Variants in FRMPD4 observed in about 807,000 individuals in gnomAD.
FRMPD4 encodes FERM and PDZ domain-containing protein 4.
FRMPD4 carries 22 observed loss-of-function variants against 94.1 expected under a neutral mutation model. The observed-to-expected ratio is 0.23, with a 90% confidence interval of 0.17 to 0.33. The LOEUF is 0.33. Among genes scored for constraint, FRMPD4 ranks in the 10% least tolerant of loss-of-function variants. The pLI, the probability that FRMPD4 is intolerant of heterozygous loss-of-function variation, is 1.00. For synonymous variants in FRMPD4, 631 were observed against 548.6 expected (o/e 1.15, Z -2.10); for missense variants, 1,111 against 1,339.9 (o/e 0.83, Z 2.67).
intron 3 of FRMPD4, among the ~76,000 whole-genome samples, chrX:12,053,136 G>A (rs1019633816): frequency 2.7e-5 from 3 of 109,353 alleles, no homozygotes; most frequent in Admixed American, 2.0e-4. Flanking sequence ...TCAGGAGATC[G>A]AGACCAGCCT....
intron 3 of FRMPD4, among the ~76,000 whole-genome samples, chrX:12,007,908 T>G (rs2054562125): frequency 8.9e-6 from 1 of 111,947 alleles, no homozygotes; most frequent in Non-Finnish European, 1.9e-5. Context: ...GATTGGCCTG[T>G]CAGTGGGCAC....
intron 1 of FRMPD4, among the ~76,000 whole-genome samples, chrX:12,446,882 G>T (rs1200603742): frequency 8.9e-6 from 1 of 112,021 alleles, no homozygotes; most frequent in Non-Finnish European, 1.9e-5. Flanking sequence ...TGATGTAGCT[G>T]TCGCAATGAG....
intron 1 of FRMPD4, among the ~76,000 whole-genome samples, chrX:12,228,134 C>A (rs777727354): frequency 8.0e-5 from 9 of 112,313 alleles, no homozygotes; most frequent in Non-Finnish European, 1.9e-5. Context: ...AAAGAGGAAA[C>A]CTTTGGCCAA....
intron 3 of FRMPD4, among the ~76,000 whole-genome samples, chrX:11,928,721 A>C (rs900954305): frequency 8.0e-5 from 9 of 112,927 alleles, no homozygotes; most frequent in African/African-American, 2.9e-4. Context: ...AAAGACCTAA[A>C]GACAGAAATG....
At chrX:12,465,744 G>C (rs1159669535) in intron 1 of FRMPD4, among the ~76,000 whole-genome samples, 1 of 111,985 alleles carries the variant, frequency 8.9e-6, no homozygotes, top group African/African-American at 3.2e-5. Context: ...TAAATGCAGT[G>C]CCCAGAATGC....
At chrX:12,000,251 A>G (rs1386797760) in intron 3 of FRMPD4, among the ~76,000 whole-genome samples, 1 of 111,805 alleles carries the variant, frequency 8.9e-6, no homozygotes, top group African/African-American at 3.3e-5. Context: ...AATTTGCCCC[A>G]ATTAATTTTG....
intron 1 of FRMPD4, among the ~76,000 whole-genome samples, chrX:12,293,755 G>A (rs2054726352): frequency 8.9e-6 from 1 of 112,373 alleles, no homozygotes; most frequent in Admixed American, 9.4e-5. Context: ...GTTGCATGCT[G>A]TTGTATCATA....
intron 1 of FRMPD4, among the ~76,000 whole-genome samples, chrX:12,390,647 CTTTG>C (rs1425114028): frequency 8.9e-6 from 1 of 111,866 alleles, no homozygotes; most frequent in Non-Finnish European, 1.9e-5. Flanking sequence ...AGACACAGTA[CTTTG>C]TTTATGGCTA....
At chrX:12,298,632 G>C (rs969452436) in intron 1 of FRMPD4, among the ~76,000 whole-genome samples, 1 of 112,261 alleles carries the variant, frequency 8.9e-6, no homozygotes, top group Non-Finnish European at 1.9e-5. Flanking sequence ...TCGTTGCAGG[G>C]CTTTTGATAA....
At chrX:12,645,291 G>T (rs1048142570) in intron 4 of FRMPD4, among the ~76,000 whole-genome samples, 10 of 102,332 alleles carry the variant, frequency 9.8e-5, no homozygotes, top group Non-Finnish European at 1.4e-4. Context: ...ATTTCATACT[G>T]CTTTTCATGC....
At chrX:11,856,266 C>T (rs2053653162) in intron 1 of FRMPD4, among the ~76,000 whole-genome samples, 1 of 111,635 alleles carries the variant, frequency 9.0e-6, no homozygotes, top group Admixed American at 9.5e-5. Context: ...TAGGTAGGGA[C>T]ACAGACAAAC....
chrX:11,843,978 CTTT>C (rs1193068056), intron 1 of FRMPD4, among the ~76,000 whole-genome samples: 1,945 of 61,338 alleles, frequency 0.032, 39 homozygotes, highest in African/African-American at 0.13. Flanking sequence ...GTTATGAATT[CTTT>C]TTTTTTTTTT....
chrX:12,309,559 TAGTGATGCAGACTTCTGCAC>T (rs753908117), intron 1 of FRMPD4, among the ~76,000 whole-genome samples: 441 of 111,851 alleles, frequency 3.9e-3, no homozygotes, highest in African/African-American at 0.013. Flanking sequence ...TGATGCATCT[TAGTGATGCAGACTTCTGCAC>T]AGTGATGCAG....
intron 4 of FRMPD4, among the ~76,000 whole-genome samples, chrX:12,660,137 G>A (rs1295644014): frequency 8.9e-6 from 1 of 112,266 alleles, no homozygotes; most frequent in Non-Finnish European, 1.9e-5. Context: ...TCAGTAAAAT[G>A]TGAATTAGAC....
At chrX:12,439,724 G>C (rs1405520159) in intron 1 of FRMPD4, among the ~76,000 whole-genome samples, 1 of 112,200 alleles carries the variant, frequency 8.9e-6, no homozygotes, top group Non-Finnish European at 1.9e-5. Context: ...TGAGGGGCAG[G>C]AGAAGGTCAC....
At chrX:12,017,202 T>A (rs1328340767) in intron 3 of FRMPD4, among the ~76,000 whole-genome samples, 1 of 112,334 alleles carries the variant, frequency 8.9e-6, no homozygotes, top group Non-Finnish European at 1.9e-5. Flanking sequence ...CTTCCTTGGT[T>A]CTTTGGCTGG....
intron 3 of FRMPD4, among the ~76,000 whole-genome samples, chrX:12,010,731 A>G (rs1268932182): frequency 8.9e-6 from 1 of 112,762 alleles, no homozygotes; most frequent in Non-Finnish European, 1.9e-5. Context: ...AAACTATAAT[A>G]TGAGATCAGA....
intron 2 of FRMPD4, among the ~76,000 whole-genome samples, chrX:12,505,984 C>T (rs142990332): frequency 3.6e-3 from 399 of 112,025 alleles, no homozygotes; most frequent in Non-Finnish European, 5.5e-3. Context: ...ATCTGAGTCA[C>T]GAGTAGCCAT....
At chrX:12,217,482 A>G (rs200973702) in intron 1 of FRMPD4, among the ~76,000 whole-genome samples, 1 of 112,321 alleles carries the variant, frequency 8.9e-6, no homozygotes, top group East Asian at 2.8e-4. Context: ...AAATGCATTC[A>G]TGTCTGTAAA....
Sources: allele counts gnomAD v4.1 joint callset (sites outside exome capture counted in the v4.1 genomes callset), GRCh38; gene constraint gnomAD v4.1.1; transcripts MANE v1.5; gene names NCBI Gene and HGNC (gene_info 2026-07-23, HGNC 2026-07-21).